The following NALCN variants were observed in gnomAD, a reference collection of about 807,000 sequenced individuals.
The protein encoded by NALCN is sodium leak channel NALCN.
NALCN carries 111 observed loss-of-function variants against 225.3 expected under a neutral mutation model. The observed-to-expected ratio is 0.49, with a 90% CI of 0.42 to 0.58. NALCN has a LOEUF of 0.58. Among genes scored for constraint, NALCN ranks in the 20% least tolerant of loss-of-function variants. The probability of loss-of-function intolerance (pLI) is 0.00; values close to 1 mark genes in which losing one functional copy is unlikely to be tolerated. For missense variants in NALCN, 1,378 were observed against 2,202.4 expected (o/e 0.63, Z 7.49); for synonymous variants, 764 against 769.0 (o/e 0.99, Z 0.11).
intron 15 of NALCN, among the ~76,000 whole-genome samples, chr13:101,149,090 G>A (rs962447257): frequency 2.6e-5 from 4 of 152,146 alleles, no homozygotes; most frequent in Non-Finnish European, 5.9e-5. Flanking sequence ...TAAGGAGATC[G>A]AGACCATCCT....
intron 17 of NALCN, among the ~76,000 whole-genome samples, chr13:101,132,254 T>C (rs2036553723): frequency 6.6e-6 from 1 of 152,070 alleles, no homozygotes; most frequent in Non-Finnish European, 1.5e-5. Context: ...GTGTTTCTTC[T>C]GTGCTTATTT....
In NALCN at chr13:101,074,495, A is replaced by G; in HGVS notation, c.4103+19T>C. 1.3e-6 allele frequency: 2 copies of G among 1,533,352 alleles called. No homozygotes were observed. Among genetic ancestry groups the G allele is most frequent in the Non-Finnish European group, 1.7e-6 (2 of 1,147,170 alleles). 95.0% of individuals were successfully genotyped at this position (1,533,352 alleles called of 1,614,324 possible). ...AGGGTTTGCTTGATAAATGAATAGA[A>G]AGATAAGTATATACCAACCTGTTAA... On this transcript the variant is annotated intron_variant, in intron 36 of 43. Coordinates refer to ENST00000251127, the MANE Select transcript of NALCN (RefSeq NM_052867.4).
At chr13:101,098,534 G>C (rs2034636623) in intron 27 of NALCN, among the ~76,000 whole-genome samples, 1 of 152,116 alleles carries the variant, frequency 6.6e-6, no homozygotes, top group African/African-American at 2.4e-5. Context: ...TGAGTTTTAA[G>C]ACAACAAACA....
chr13:101,171,902 T>C (rs2038740711), intron 15 of NALCN, among the ~76,000 whole-genome samples: 2 of 152,192 alleles, frequency 1.3e-5, no homozygotes, highest in South Asian at 4.1e-4. Context: ...TAAAGGAAAC[T>C]ATATATGAAA....
At chr13:101,207,913 C>T (rs148007546) in intron 13 of NALCN, among the ~76,000 whole-genome samples, 17 of 152,324 alleles carry the variant, frequency 1.1e-4, no homozygotes, top group Middle Eastern at 3.4e-3. Context: ...CAACACTCAC[C>T]GCAAAGGTCT....
chr13:101,095,113 T>C (rs574701118), intron 28 of NALCN, among the ~76,000 whole-genome samples: 5 of 152,314 alleles, frequency 3.3e-5, no homozygotes, highest in Admixed American at 3.3e-4. Flanking sequence ...TGTCACTGAT[T>C]ATTCCTCTCT....
chr13:101,189,230 A>C (rs1354612343), intron 14 of NALCN, among the ~76,000 whole-genome samples: 1 of 152,162 alleles, frequency 6.6e-6, no homozygotes, highest in Non-Finnish European at 1.5e-5. Flanking sequence ...TTATATTAAA[A>C]TTATCAGAGT....
At chr13:101,099,690 A>T (rs2034702651) in intron 27 of NALCN, among the ~76,000 whole-genome samples, 1 of 152,198 alleles carries the variant, frequency 6.6e-6, no homozygotes, top group African/African-American at 2.4e-5. Context: ...TTTCTGGAGC[A>T]CACAACTAAA....
intron 7 of NALCN, among the ~76,000 whole-genome samples, chr13:101,296,381 C>T (rs372078842): frequency 1.3e-5 from 2 of 152,130 alleles, no homozygotes; most frequent in African/African-American, 2.4e-5. Flanking sequence ...AATTTGGAAA[C>T]TATTTTGTAG....
chr13:101,068,410 G>C (rs1459435575), intron 38 of NALCN, among the ~76,000 whole-genome samples: 1 of 152,112 alleles, frequency 6.6e-6, no homozygotes, highest in Non-Finnish European at 1.5e-5. Flanking sequence ...ATATTTCAAG[G>C]CTAGAAAGAT....
chr13:101,069,407 T>A (rs1486473142), intron 37 of NALCN, among the ~76,000 whole-genome samples: 1 of 152,248 alleles, frequency 6.6e-6, no homozygotes, highest in African/African-American at 2.4e-5. Flanking sequence ...CAGACCTTAA[T>A]AAAAAGTACT....
chr13:101,169,794 C>A (rs553686771), intron 15 of NALCN, among the ~76,000 whole-genome samples: 113 of 152,256 alleles, frequency 7.4e-4, no homozygotes, highest in Non-Finnish European at 1.4e-3. Context: ...GTTGCCACGT[C>A]TTTAATATTT....
intron 7 of NALCN, among the ~76,000 whole-genome samples, chr13:101,319,139 A>G (rs2044657632): frequency 6.6e-6 from 1 of 152,202 alleles, no homozygotes; most frequent in Non-Finnish European, 1.5e-5. Context: ...AGGACTGTGG[A>G]TGAGCCCAGA....
At chr13:101,410,029 T>C (rs1236885588) in intron 1 of NALCN, among the ~76,000 whole-genome samples, 1 of 152,184 alleles carries the variant, frequency 6.6e-6, no homozygotes, top group Non-Finnish European at 1.5e-5. Flanking sequence ...GAATGGTCTG[T>C]GGACCAGGAA....
At chr13:101,194,898 G>A (rs1187555081) in intron 13 of NALCN, among the ~76,000 whole-genome samples, 1 of 152,188 alleles carries the variant, frequency 6.6e-6, no homozygotes, top group African/African-American at 2.4e-5. Context: ...CAGCTACTCG[G>A]GAGGCTGAGG....
chr13:101,070,450 ACTAT>A (rs2032788707), intron 37 of NALCN, among the ~76,000 whole-genome samples: 1 of 152,222 alleles, frequency 6.6e-6, no homozygotes, highest in African/African-American at 2.4e-5. Flanking sequence ...CAGAGCAATC[ACTAT>A]CTATGGCAGC....
chr13:101,354,337 C>T (rs1205588546), intron 6 of NALCN, among the ~76,000 whole-genome samples: 4 of 152,062 alleles, frequency 2.6e-5, no homozygotes, highest in African/African-American at 4.8e-5. Context: ...AGTGAGATTC[C>T]ACCTCAAAAA....
chr13:101,254,183 G>A (rs1487839184), intron 11 of NALCN, among the ~76,000 whole-genome samples: 3 of 151,850 alleles, frequency 2.0e-5, no homozygotes, highest in Non-Finnish European at 4.4e-5. Context: ...AGGAGTTTGA[G>A]ACCAGCCTGG....
chr13:101,258,177 A>C (rs2042301701), intron 11 of NALCN, among the ~76,000 whole-genome samples: 1 of 152,188 alleles, frequency 6.6e-6, no homozygotes, highest in African/African-American at 2.4e-5. Context: ...ATAGGAAAAC[A>C]GCAAGATTCT....
Sources: gnomAD v4.1 joint callset for allele counts (sites outside exome capture counted in the v4.1 genomes callset) on GRCh38, gnomAD v4.1.1 for gene constraint, MANE v1.5 for transcripts, NCBI Gene and HGNC (gene_info 2026-07-23, HGNC 2026-07-21) for gene names.